Variants in KLHL13 observed in about 807,000 individuals in gnomAD.
The protein encoded by KLHL13 is kelch like family member 13.
A neutral mutation model predicts 37.1 loss-of-function variants in KLHL13; 10 were observed. The ratio of observed to expected loss-of-function variants is 0.27; its 90% CI spans 0.17 to 0.46. The LOEUF is 0.46. KLHL13 is among the 20% of genes least tolerant of loss of function. The pLI is 1.00. For missense variants in KLHL13, 360 were observed against 509.3 expected (o/e 0.71, Z 2.82); for synonymous variants, 163 against 181.2 (o/e 0.90, Z 0.81).
chrX:118,102,978 A>T (rs1475121716), intron 1 of KLHL13, among the ~76,000 whole-genome samples: 1 of 111,992 alleles, frequency 8.9e-6, no homozygotes, highest in Admixed American at 9.5e-5. Flanking sequence ...ATTCAGCATG[A>T]CCCTCTTATA....
chrX:118,058,475 G>C (rs1055732320), intron 1 of KLHL13, among the ~76,000 whole-genome samples: 1 of 111,209 alleles, frequency 9.0e-6, no homozygotes, highest in Non-Finnish European at 1.9e-5. Flanking sequence ...TAAATCCATG[G>C]CTAGCGTCTT....
intron 1 of KLHL13, among the ~76,000 whole-genome samples, chrX:118,090,279 C>T (rs1193549404): frequency 9.0e-6 from 1 of 110,865 alleles, no homozygotes; most frequent in African/African-American, 3.3e-5. Flanking sequence ...CAAATGGGAT[C>T]TAATTAAACT....
At chrX:118,029,511 A>G (rs1408934195) in intron 1 of KLHL13, among the ~76,000 whole-genome samples, 1 of 111,996 alleles carries the variant, frequency 8.9e-6, no homozygotes, top group East Asian at 2.8e-4. Flanking sequence ...AGTAATGCCG[A>G]TGTATAACAC....
At chrX:118,016,098 T>C (rs1477454062) in intron 1 of KLHL13, among the ~76,000 whole-genome samples, 2 of 112,336 alleles carry the variant, frequency 1.8e-5, no homozygotes, top group Non-Finnish European at 3.8e-5. Flanking sequence ...TAATCACATA[T>C]GTGTTTCTTT....
At chrX:117,936,954 A>G (rs1256954815) in intron 2 of KLHL13, among the ~76,000 whole-genome samples, 2 of 112,030 alleles carry the variant, frequency 1.8e-5, no homozygotes, top group Non-Finnish European at 3.8e-5. Flanking sequence ...TAACTAGCTA[A>G]TAAGGGGCAC....
intron 5 of KLHL13, among the ~76,000 whole-genome samples, chrX:117,902,718 A>G (rs1930180224): frequency 1.8e-5 from 2 of 111,673 alleles, no homozygotes; most frequent in African/African-American, 6.5e-5. Flanking sequence ...ACCAAGAAAG[A>G]TGGAAAATGT....
chrX:118,096,340 A>C (rs1348882548), intron 1 of KLHL13, among the ~76,000 whole-genome samples: 1 of 111,920 alleles, frequency 8.9e-6, no homozygotes, highest in Non-Finnish European at 1.9e-5. Flanking sequence ...AGAAAAGGAT[A>C]AATTCCTCGA....
chrX:118,103,967 T>C (rs1251261380), intron 1 of KLHL13, among the ~76,000 whole-genome samples: 2 of 106,108 alleles, frequency 1.9e-5, no homozygotes, highest in African/African-American at 7.0e-5. Flanking sequence ...TCCCAGCACT[T>C]TGGGAGGCCA....
intron 1 of KLHL13, among the ~76,000 whole-genome samples, chrX:118,061,679 G>A (rs1406550760): frequency 2.7e-5 from 3 of 111,370 alleles, no homozygotes; most frequent in Non-Finnish European, 5.7e-5. Context: ...TACTGCAAAA[G>A]CAATGGAACC....
chrX:117,990,649 C>A (rs1357718211), intron 1 of KLHL13, among the ~76,000 whole-genome samples: 1 of 111,667 alleles, frequency 9.0e-6, no homozygotes, highest in African/African-American at 3.3e-5. Context: ...GCAAATTCAA[C>A]CAAGCAAGTC....
intron 2 of KLHL13, among the ~76,000 whole-genome samples, chrX:117,925,437 G>A (rs1569416919): frequency 1.8e-5 from 2 of 111,372 alleles, no homozygotes; most frequent in Non-Finnish European, 3.8e-5. Flanking sequence ...GTTAAGAAAT[G>A]GCCTTACTCC....
At chrX:118,068,280 C>T (rs1250380163) in intron 1 of KLHL13, among the ~76,000 whole-genome samples, 8 of 111,366 alleles carry the variant, frequency 7.2e-5, no homozygotes, top group Non-Finnish European at 1.3e-4. Flanking sequence ...GGAAGATGGC[C>T]GACTAGAAGC....
At chrX:118,087,625 C>A (rs1052692083) in intron 1 of KLHL13, among the ~76,000 whole-genome samples, 5 of 111,101 alleles carry the variant, frequency 4.5e-5, no homozygotes, top group Non-Finnish European at 9.4e-5. Context: ...TTTATGTATG[C>A]ATAGTACAAA....
In KLHL13 at chrX:117,909,856, G is replaced by GGCGAAGCC; in HGVS notation, c.810_811insGGCTTCGC (p.Arg271GlyfsTer11). Reference sequence around the variant, plus strand: ...ATTAATTTTGCAGCAAAGTCCATCCGAGGCTCTTCCAGGCGAAGCCAACGA... The same window carrying GGCGAAGCC: ...ATTAATTTTGCAGCAAAGTCCATCCGGCGAAGCCAGGCTCTTCCAGGCGAAGCCAACGA... On this transcript the variant is annotated frameshift_variant, in exon 5 of 7. Coordinates refer to ENST00000262820, the Ensembl canonical transcript of KLHL13. LOFTEE classifies it high-confidence loss of function. 8.3e-7 allele frequency: 1 copy of GGCGAAGCC among 1,211,366 alleles called. No homozygotes were observed.
intron 4 of KLHL13, among the ~76,000 whole-genome samples, chrX:117,911,849 T>G (rs1331743086): frequency 8.9e-6 from 1 of 112,231 alleles, no homozygotes; most frequent in Non-Finnish European, 1.9e-5. Flanking sequence ...GCTGATTTGC[T>G]TTACAAAAAT....
At chrX:118,011,701 T>C (rs1282258481) in intron 1 of KLHL13, among the ~76,000 whole-genome samples, 2 of 111,173 alleles carry the variant, frequency 1.8e-5, no homozygotes, top group Admixed American at 1.9e-4. Flanking sequence ...AATGGTGGTG[T>C]CATCAAACAA....
At chrX:117,989,269 T>C (rs1189678049) in intron 1 of KLHL13, among the ~76,000 whole-genome samples, 2 of 111,132 alleles carry the variant, frequency 1.8e-5, no homozygotes, top group Non-Finnish European at 3.8e-5. Flanking sequence ...AATGCAGGCA[T>C]TAATATTCCC....
chrX:117,950,638 G>A (rs7877591), intron 1 of KLHL13, among the ~76,000 whole-genome samples: 1 of 111,724 alleles, frequency 9.0e-6, no homozygotes, highest in African/African-American at 3.3e-5. Flanking sequence ...AAACAAGAAA[G>A]CTATGAATGG....
chrX:117,959,087 T>A (rs749899622), intron 1 of KLHL13, among the ~76,000 whole-genome samples: 1 of 109,756 alleles, frequency 9.1e-6, no homozygotes, highest in Admixed American at 9.7e-5. Context: ...GCACATCATT[T>A]AAAAAAAACA....
Sources: gnomAD v4.1 joint callset for allele counts (sites outside exome capture counted in the v4.1 genomes callset) on GRCh38, gnomAD v4.1.1 for gene constraint, MANE v1.5 for transcripts, NCBI Gene and HGNC (gene_info 2026-07-23, HGNC 2026-07-21) for gene names.